Variants in TEAD2 observed in about 807,000 individuals in gnomAD.
TEAD2 encodes the protein TEA domain transcription factor 2.
In TEAD2, 51 loss-of-function variants were observed where a neutral mutation model predicts 61.4. The observed-to-expected ratio is 0.83, with a 90% CI of 0.66 to 1.05. The LOEUF (loss-of-function observed/expected upper bound fraction) is 1.05, where lower values mean the gene tolerates loss of function less well. TEAD2 is among the 50% of genes least tolerant of loss of function. TEAD2 has a pLI of 0.00. For missense variants in TEAD2, 509 were observed against 600.0 expected (o/e 0.85, Z 1.58); for synonymous variants, 244 against 243.2 (o/e 1.00, Z -0.03).
intron 9 of TEAD2, 150 bp downstream of exon 9, chr19:49,348,553 T>C: frequency 3.7e-6 from 3 of 812,404 alleles, no homozygotes; most frequent in East Asian, 2.5e-5. Context: ...ACATCACATC[T>C]AGCAAATCAG....
intron 10 of TEAD2, among the ~76,000 whole-genome samples, chr19:49,345,818 C>A (rs1386637396): frequency 6.6e-6 from 1 of 152,074 alleles, no homozygotes; most frequent in East Asian, 1.9e-4. Context: ...CACTTGAGGT[C>A]AGGAGTTCGA....
intron 7 of TEAD2, 51 bp downstream of exon 7, chr19:49,355,096 TG>T: frequency 6.8e-7 from 1 of 1,461,634 alleles, no homozygotes; most frequent in East Asian, 2.4e-5. Context: ...AAGGTCTCTG[TG>T]GGAGTGTGAG....
In TEAD2 at chr19:49,357,233, T is replaced by C; in HGVS notation, c.360+19A>G. On this transcript the variant is annotated intron_variant, in intron 4 of 12. Coordinates refer to ENST00000593945, the MANE Select transcript of TEAD2 (RefSeq NM_001256660.2). ...CCCAGTCTCTGTCCCCCTCTCAGGATGTCTGCATTGGTCCCTACCTTCAAC... is the reference window on the plus strand; with the variant it reads ...CCCAGTCTCTGTCCCCCTCTCAGGACGTCTGCATTGGTCCCTACCTTCAAC... The C allele has an allele frequency of 6.9e-7, 1 of 1,440,868 alleles. No homozygotes were observed. Among genetic ancestry groups the C allele is most frequent in the Non-Finnish European group, 9.5e-7 (1 of 1,054,646 alleles). The allele number at this position is 1,440,868 out of a possible 1,614,324, so 89.3% of individuals were successfully genotyped here.
At chr19:49,349,395 G>A (rs983083238) in intron 8 of TEAD2, among the ~76,000 whole-genome samples, 1 of 151,866 alleles carries the variant, frequency 6.6e-6, no homozygotes, top group Non-Finnish European at 1.5e-5. Flanking sequence ...CCCAGGAGGC[G>A]GGGGTTGCAG....
At chr19:49,346,840 C>T (rs1463795995) in intron 10 of TEAD2, among the ~76,000 whole-genome samples, 1 of 152,172 alleles carries the variant, frequency 6.6e-6, no homozygotes, top group African/African-American at 2.4e-5. Flanking sequence ...AGGGGTCTTT[C>T]CTTAGCAGCA....
chr19:49,353,057 G>A (rs1972124131), intron 7 of TEAD2, among the ~76,000 whole-genome samples: 1 of 151,848 alleles, frequency 6.6e-6, no homozygotes, highest in African/African-American at 2.4e-5. Flanking sequence ...TGAGGACTTT[G>A]TCGTGTGCTA....
At chr19:49,345,608 C>A (rs1375892640) in intron 10 of TEAD2, among the ~76,000 whole-genome samples, 1 of 152,162 alleles carries the variant, frequency 6.6e-6, no homozygotes, top group Non-Finnish European at 1.5e-5. Context: ...CTCGCCTCAG[C>A]TTCCCAAAGT....
intron 10 of TEAD2, among the ~76,000 whole-genome samples, chr19:49,346,384 C>T (rs1016954011): frequency 1.3e-5 from 2 of 151,586 alleles, no homozygotes; most frequent in African/African-American, 4.9e-5. Context: ...TGGACGGGTG[C>T]GGTGGCTCAC....
rs937386848 is a variant in TEAD2, at chr19:49,341,966, G to T, written c.1242+472C>A. Reference sequence around the variant, plus strand: ...CCAGCACTTTGGGAGGCCTAGGCAGGTGGATCACTTGAGGTCGGAGATCAA... The same window carrying T: ...CCAGCACTTTGGGAGGCCTAGGCAGTTGGATCACTTGAGGTCGGAGATCAA... On this transcript the variant is annotated intron_variant, in intron 12 of 12. Coordinates refer to ENST00000593945, the MANE Select transcript of TEAD2 (RefSeq NM_001256660.2). The surrounding 1 kb of genome is among the most constrained non-coding windows in gnomAD (Gnocchi z 4.2). Among the ~76,000 whole-genome samples, 3 of 152,140 alleles carry T rather than the reference G, an allele frequency of 2.0e-5. No homozygotes were observed. Among genetic ancestry groups the T allele is most frequent in the Non-Finnish European group, 4.4e-5 (3 of 68,018 alleles).
At chr19:49,356,957 CCTCTGTCTCTGGGT>C (rs1972442790) in intron 4 of TEAD2, among the ~76,000 whole-genome samples, 2 of 151,562 alleles carry the variant, frequency 1.3e-5, no homozygotes, top group African/African-American at 4.9e-5. Context: ...TCTCTGTCTC[CCTCTGTCTCTGGGT>C]CTCTGTCCCC....
chr19:49,343,297 T>G lies in TEAD2; in HGVS notation c.1023A>C (p.Glu341Asp). 1 of 1,614,020 alleles carries G rather than the reference T, an allele frequency of 6.2e-7. No individual in the cohort carries two copies. The highest frequency in any genetic ancestry group is 8.5e-7 in the Non-Finnish European group (1 of 1,179,992). The change falls in exon 11 of 13, where the codon GAA (glutamate) becomes GAC (aspartate). Residue 341 changes from glutamate to aspartate, a missense_variant. Coordinates refer to ENST00000593945, the MANE Select transcript of TEAD2 (RefSeq NM_001256660.2). ...TGGAGGAACAGGTGAGGGTCATGTG[T>G]TCCAGGCTCTCATACTGGCTGCTCA... ...YGVSSQYESL[E>D]HMTLTCSSKV...
chr19:49,348,730 G>A lies in TEAD2; in HGVS notation c.720C>T (p.Phe240=), dbSNP rs752715030. 22 of 1,613,962 alleles carry A rather than the reference G, an allele frequency of 1.4e-5. No individual in the cohort carries two copies. The highest frequency in any genetic ancestry group is 6.6e-5 in the South Asian group (6 of 91,064). ...ARLQLVEFSA[F]VEPPDAVDSY... is the part of the protein sequence containing the mutation. ...AATCAACTGCATCTGGCGGTTCCAC[G>A]AAGGCTGAGAACTCTACCAGCTGCA... is the stretch of plus-strand genomic sequence containing the variant. Residue 240 remains phenylalanine (F), a synonymous_variant, in exon 9 of 13, where the codon TTC becomes TTT. Transcript: ENST00000593945.
At chr19:49,357,977 A>G (rs1972516082) in intron 3 of TEAD2, among the ~76,000 whole-genome samples, 1 of 152,182 alleles carries the variant, frequency 6.6e-6, no homozygotes, top group African/African-American at 2.4e-5. Flanking sequence ...GCTCAGCTGT[A>G]ATCCCAGCAC....
chr19:49,355,505 G>T, intron 5 of TEAD2, 86 bp from the exon 6 acceptor site: 1 of 1,180,622 alleles, frequency 8.5e-7, no homozygotes, highest in Non-Finnish European at 1.2e-6. Flanking sequence ...GGGTGAAGAC[G>T]GGGAGGTGCA....
intron 7 of TEAD2, among the ~76,000 whole-genome samples, chr19:49,353,954 T>TATTTA (rs57972114): frequency 1.5e-3 from 199 of 129,184 alleles, no homozygotes; most frequent in African/African-American, 6.3e-3. Flanking sequence ...CTAATTGTTT[T>TATTTA]TTGTTTTTTT....
intron 12 of TEAD2, 124 bp downstream of exon 12, chr19:49,342,314 G>T (rs1156640550): frequency 8.5e-6 from 11 of 1,292,086 alleles, no homozygotes; most frequent in Non-Finnish European, 1.1e-5. Flanking sequence ...TCAGGCTGAG[G>T]GCTCACTTTG....
At chr19:49,349,016 G>T (rs570143568) in intron 8 of TEAD2, 171 bp from the exon 9 acceptor site, 2 of 727,154 alleles carry the variant, frequency 2.8e-6, no homozygotes, top group East Asian at 3.4e-5. Context: ...CCAATGAGAC[G>T]TTAGGGGAAA....
intron 7 of TEAD2, among the ~76,000 whole-genome samples, chr19:49,353,955 T>A (rs1388738168): frequency 0.013 from 1,300 of 97,238 alleles, 15 homozygotes; most frequent in Middle Eastern, 0.016. Context: ...TAATTGTTTT[T>A]TGTTTTTTTT....
chr19:49,357,682 C>A (rs536275184), intron 3 of TEAD2: 203 of 314,822 alleles, frequency 6.4e-4, no homozygotes, highest in Middle Eastern at 1.0e-3. Flanking sequence ...TATTGAAATG[C>A]CATCTCCAGT....
Sources: gnomAD v4.1 joint callset for allele counts (sites outside exome capture counted in the v4.1 genomes callset) on GRCh38, gnomAD v4.1.1 for gene constraint, Gnocchi (gnomAD v3.1) non-coding constraint, MANE v1.5 for transcripts, NCBI Gene and HGNC (gene_info 2026-07-23, HGNC 2026-07-21) for gene names.